TRAPPC9: variants seen among roughly 807,000 people sequenced by gnomAD.
TRAPPC9 encodes trafficking protein particle complex subunit 9.
A neutral mutation model predicts 124.0 loss-of-function variants in TRAPPC9; 83 were observed. The observed-to-expected ratio is 0.67, with a 90% CI of 0.56 to 0.80. TRAPPC9 has a LOEUF of 0.80. TRAPPC9 is among the 30% of genes least tolerant of loss of function. The pLI is 0.00. For synonymous variants in TRAPPC9, 638 were observed against 617.5 expected (o/e 1.03, Z -0.49); for missense variants, 1,302 against 1,508.3 (o/e 0.86, Z 2.27).
At position 140,087,908 on chromosome 8, in the gene TRAPPC9, C is replaced by T. The variant is rs1490726346; in HGVS notation, c.2557-63829G>A. On this transcript the variant is annotated intron_variant, in intron 17 of 22. Coordinates refer to ENST00000438773, the MANE Select transcript of TRAPPC9 (RefSeq NM_001160372.4). This position sits in a 1 kb window ranked among gnomAD's most constrained non-coding sequence, Gnocchi z 4.6. ...AGGTCCTGGAGAGCAGGCTTCAGCT[C>T]CCAGCTCCTCCATTACCACGTGGTA... Among the ~76,000 whole-genome samples, 1 of 152,112 alleles carries T rather than the reference C, an allele frequency of 6.6e-6. No individual in the cohort carries two copies. The highest frequency in any genetic ancestry group is 1.5e-5 in the Non-Finnish European group (1 of 68,032).
At chr8:140,251,140 G>A (rs1462360262) in intron 16 of TRAPPC9, among the ~76,000 whole-genome samples, 1 of 152,176 alleles carries the variant, frequency 6.6e-6, no homozygotes, top group Non-Finnish European at 1.5e-5. Flanking sequence ...ACCCTGGCAG[G>A]CCATGGGAGA....
intron 19 of TRAPPC9, among the ~76,000 whole-genome samples, chr8:139,982,395 T>G (rs1443063990): frequency 1.3e-5 from 2 of 152,120 alleles, no homozygotes; most frequent in African/African-American, 4.8e-5. Context: ...CTTTTACTCA[T>G]AGGGAAAAAT....
chr8:140,406,529 T>C (rs7834875), intron 5 of TRAPPC9, among the ~76,000 whole-genome samples: 5,017 of 152,300 alleles, frequency 0.033, 286 homozygotes, highest in African/African-American at 0.11. Flanking sequence ...CCTCATCCCC[T>C]GTGCAGCTCA....
intron 17 of TRAPPC9, among the ~76,000 whole-genome samples, chr8:140,183,026 GGAAA>G (rs1251848304): frequency 1.3e-5 from 2 of 148,756 alleles, no homozygotes; most frequent in Non-Finnish European, 3.0e-5. Context: ...GCATTATTGG[GGAAA>G]AAAAAAAAAG....
intron 19 of TRAPPC9, among the ~76,000 whole-genome samples, chr8:139,976,058 A>AT (rs1219383257): frequency 6.6e-6 from 1 of 150,378 alleles, no homozygotes; most frequent in Non-Finnish European, 1.5e-5. Flanking sequence ...CGCCCGGCTA[A>AT]TTTTTTGTAC....
At chr8:139,888,220 C>G (rs74683072) in intron 20 of TRAPPC9, among the ~76,000 whole-genome samples, 1 of 152,206 alleles carries the variant, frequency 6.6e-6, no homozygotes, top group Non-Finnish European at 1.5e-5. Flanking sequence ...GTAAACAGCT[C>G]CTGCCCTCAC....
rs1460917566 is a variant in TRAPPC9 at position 139,729,419 on chromosome 8, G to A, written c.*1642C>T. Among the ~76,000 whole-genome samples the A allele has an allele frequency of 6.6e-6, 1 of 152,216 alleles. No individual in the cohort carries two copies. Among genetic ancestry groups the A allele is most frequent in the Non-Finnish European group, 1.5e-5 (1 of 68,038 alleles). ...TCAACTACGCTGAGGCATCCTGAAC[G>A]GAAGGGCTGAAGAGACCGCCCTGGG... On this transcript the variant is annotated 3_prime_UTR_variant, in exon 23 of 23. Coordinates refer to ENST00000438773, the MANE Select transcript of TRAPPC9 (RefSeq NM_001160372.4).
intron 21 of TRAPPC9, among the ~76,000 whole-genome samples, chr8:139,812,491 A>T (rs939359325): frequency 1.3e-5 from 2 of 152,210 alleles, no homozygotes; most frequent in Non-Finnish European, 2.9e-5. Flanking sequence ...ACAGTTTAGC[A>T]TTTGCAGAAG....
intron 21 of TRAPPC9, among the ~76,000 whole-genome samples, chr8:139,738,434 G>A (rs1818342298): frequency 6.6e-6 from 1 of 152,202 alleles, no homozygotes; most frequent in South Asian, 2.1e-4. Context: ...GGAGGTCCTG[G>A]AGAAAGGGAG....
chr8:140,190,323 T>C (rs777727678), intron 17 of TRAPPC9, among the ~76,000 whole-genome samples: 1 of 152,094 alleles, frequency 6.6e-6, no homozygotes, highest in African/African-American at 2.4e-5. Flanking sequence ...CCAGGCGTCA[T>C]GGCAGGCGAC....
intron 9 of TRAPPC9, among the ~76,000 whole-genome samples, chr8:140,358,645 T>C (rs1183900994): frequency 1.3e-5 from 2 of 152,010 alleles, no homozygotes; most frequent in Non-Finnish European, 2.9e-5. Context: ...ATGTGCTGCT[T>C]TTAGAAATGT....
Position 140,287,660 on chromosome 8 carries a change from GT to G in TRAPPC9, c.1928del (p.Tyr643SerfsTer3), listed in dbSNP as rs779744636. 3 of 1,614,162 alleles carry G rather than the reference GT, an allele frequency of 1.9e-6. No individual in the cohort carries two copies. The East Asian group carries it at 6.7e-5, about 36-fold the overall frequency. Reference sequence around the variant, plus strand: ...GCGGGACCCCGACGAGCGTCACTGGGTACAGACCAGATTCAGCCGGAAGAGA... The same window carrying G: ...GCGGGACCCCGACGAGCGTCACTGGGACAGACCAGATTCAGCCGGAAGAGA... ...ALSLPAESGL[Y>X]PVTLVGVPQT... is the part of the protein sequence containing the mutation. On this transcript the variant is annotated frameshift_variant, in exon 13 of 23. Coordinates refer to ENST00000438773, the MANE Select transcript of TRAPPC9 (RefSeq NM_001160372.4). LOFTEE classifies it high-confidence loss of function.
chr8:140,214,594 C>G lies in TRAPPC9; in HGVS notation c.2556+6865G>C, dbSNP rs182366008. On this transcript the variant is annotated intron_variant, in intron 17 of 22. Coordinates refer to ENST00000438773, the MANE Select transcript of TRAPPC9 (RefSeq NM_001160372.4). ...CTCTTTTATCATTTAAGCCTCCCAA[C>G]AATCCTATGAAGGAAGCATTGTCGT... 6.6e-5 allele frequency among the ~76,000 whole-genome samples: 10 copies of G among 152,356 alleles called. No individual in the cohort carries two copies. In the East Asian group the frequency reaches 1.9e-3, roughly 29 times the overall value.
chr8:140,211,963 A>T (rs1176844285), intron 17 of TRAPPC9, among the ~76,000 whole-genome samples: 1 of 152,232 alleles, frequency 6.6e-6, no homozygotes, highest in Non-Finnish European at 1.5e-5. Flanking sequence ...ACGAGGACAC[A>T]GGAAGAAGGG....
chr8:140,104,569 C>T lies in TRAPPC9; in HGVS notation c.2557-80490G>A, dbSNP rs2060632092. On this transcript the variant is annotated intron_variant, in intron 17 of 22. Transcript: ENST00000438773. This position sits in a 1 kb window ranked among gnomAD's most constrained non-coding sequence, Gnocchi z 4.0. ...ACAGATGAAAGAGGCCAAGTTTCTCCCGATATTTTCAGCCACAGTCTGAAA... is the reference window on the plus strand; with the variant it reads ...ACAGATGAAAGAGGCCAAGTTTCTCTCGATATTTTCAGCCACAGTCTGAAA... Among the ~76,000 whole-genome samples, 1 of 152,082 alleles carries T rather than the reference C, an allele frequency of 6.6e-6. No homozygotes were observed. Among genetic ancestry groups the T allele is most frequent in the Admixed American group, 6.6e-5 (1 of 15,266 alleles).
At chr8:139,935,145 C>T (rs894144304) in intron 19 of TRAPPC9, among the ~76,000 whole-genome samples, 23 of 152,188 alleles carry the variant, frequency 1.5e-4, no homozygotes, top group African/African-American at 5.3e-4. Flanking sequence ...AGAGAAGGTG[C>T]ATGGTGAATG....
chr8:140,315,979 T>A (rs2066432104), intron 9 of TRAPPC9, among the ~76,000 whole-genome samples: 1 of 152,208 alleles, frequency 6.6e-6, no homozygotes, highest in South Asian at 2.1e-4. Flanking sequence ...GTAACAAATT[T>A]CCTTATGGAT....
chr8:140,053,083 T>G (rs1368168817), intron 17 of TRAPPC9, among the ~76,000 whole-genome samples: 1 of 152,156 alleles, frequency 6.6e-6, no homozygotes, highest in Non-Finnish European at 1.5e-5. Context: ...CAAATGAATG[T>G]AGGAGGAATT....
At position 140,087,260 on chromosome 8, in the gene TRAPPC9, G is replaced by A. The variant is rs988229819; in HGVS notation, c.2557-63181C>T. On this transcript the variant is annotated intron_variant, in intron 17 of 22. Transcript: ENST00000438773. This position sits in a 1 kb window ranked among gnomAD's most constrained non-coding sequence, Gnocchi z 4.6. ...CCTCTGTCTCCCGTGCCCTCCCCCC[G>A]GCCCCATCACCCTGCAGATGTCGGG... 4.0e-5 allele frequency among the ~76,000 whole-genome samples: 6 copies of A among 151,610 alleles called. No individual in the cohort carries two copies. The highest frequency in any genetic ancestry group is 5.9e-5 in the Non-Finnish European group (4 of 67,938).
Sources: gnomAD v4.1 joint callset for allele counts (sites outside exome capture counted in the v4.1 genomes callset) on GRCh38, gnomAD v4.1.1 for gene constraint, Gnocchi (gnomAD v3.1) non-coding constraint, MANE v1.5 for transcripts, NCBI Gene and HGNC (gene_info 2026-07-23, HGNC 2026-07-21) for gene names.